Variants in ERI2 observed in about 807,000 individuals in gnomAD.
The protein encoded by ERI2 is ERI1 exoribonuclease family member 2, also known as ERI1 exoribonuclease 2.
In ERI2, 35 loss-of-function variants were observed where a neutral mutation model predicts 46.8. The observed-to-expected ratio is 0.75, with a 90% CI of 0.57 to 0.99. The LOEUF (loss-of-function observed/expected upper bound fraction) is 0.99, where lower values mean the gene tolerates loss of function less well. Among genes scored for constraint, ERI2 ranks in the 50% least tolerant of loss-of-function variants. The probability of loss-of-function intolerance (pLI) is 0.00; values close to 1 mark genes in which losing one functional copy is unlikely to be tolerated. For synonymous variants in ERI2, 224 were observed against 271.0 expected, an observed-to-expected ratio of 0.83 and a Z score of 1.70; for missense variants, 695 against 796.2, an observed-to-expected ratio of 0.87 and a Z score of 1.53.
rs2080723754 is a variant in ERI2, at chr16:20,796,357, A to G, written c.*1367T>C. On this transcript the variant is annotated 3_prime_UTR_variant, in exon 9 of 9. Coordinates refer to ENST00000357967, the MANE Select transcript of ERI2 (RefSeq NM_001142725.2). ...ATAACTCATTTTCCTGGTGTTTCAA[A>G]TATTTATTTTAGGTAGTAAAGGCTT... is the stretch of plus-strand genomic sequence containing the variant. 2.5e-6 allele frequency: 4 copies of G among 1,601,654 alleles called. No homozygotes were observed. In the East Asian group the frequency reaches 6.7e-5, roughly 27 times the overall value.
exon 11 of ERI2, chr16:20,780,468 T>C (rs1292151639): frequency 2.4e-5 from 17 of 710,086 alleles, no homozygotes; most frequent in Non-Finnish European, 3.4e-5. Context: ...TTCTTTATCA[T>C]AGAATAAAAA....
intron 10 of ERI2, chr16:20,784,456 C>T (rs2080424731): frequency 6.6e-6 from 1 of 152,642 alleles, no homozygotes; most frequent in African/African-American, 2.4e-5. Context: ...ATCCCACCAT[C>T]AGTTTTACCA....
In ERI2 at chr16:20,797,777, A is replaced by T; in HGVS notation, c.2023T>A (p.Leu675Ile). 18 of 1,550,488 alleles carry T rather than the reference A, an allele frequency of 1.2e-5. No homozygotes were observed. The highest frequency in any genetic ancestry group is 1.6e-5 in the Non-Finnish European group (18 of 1,146,626). The change falls in exon 9 of 9, where the codon TTA becomes ATA. Residue 675 changes from leucine (L) to isoleucine (I), a missense_variant. Physicochemically the swap from Leu to Ile is conservative, Grantham distance 5 (BLOSUM62 2). Transcript: ENST00000357967. ...AAAGAATTTTTGGTGGAAATACTTA[A>T]ATTTCTGTCACAAATATGGCTTGTT... ...PETSHICDRN[L>I]SISTKNSLRL... is the part of the protein sequence containing the mutation.
At chr16:20,792,838 G>A (rs2080632155), downstream of ERI2, 2 of 487,426 alleles carry the variant, frequency 4.1e-6, no homozygotes, top group South Asian at 8.8e-5. Context: ...GAATAACACA[G>A]GTGTCCTGAA....
intron 10 of ERI2, chr16:20,781,155 A>G (rs1421982974): frequency 1.2e-6 from 2 of 1,612,376 alleles, no homozygotes; most frequent in East Asian, 4.5e-5. Context: ...AAAGAGGTCA[A>G]TATTTAGAAA....
intron 4 of ERI2, 91 bp from the exon 5 acceptor site, chr16:20,801,450 TA>T: frequency 7.3e-7 from 1 of 1,365,736 alleles, no homozygotes; most frequent in Non-Finnish European, 9.8e-7. Flanking sequence ...TTAATGGTTT[TA>T]AAAGAATCAG....
chr16:20,782,703 G>A (rs143986148), intron 10 of ERI2, among the ~76,000 whole-genome samples: 6 of 152,246 alleles, frequency 3.9e-5, no homozygotes, highest in East Asian at 3.9e-4. Context: ...TGTCACCTGC[G>A]CATATGACCA....
rs2080742463 is a variant in ERI2 at position 20,797,399 on chromosome 16, A to G, written c.*325T>C. 2 of 993,120 alleles carry G rather than the reference A, an allele frequency of 2.0e-6. No homozygotes were observed. The highest frequency in any genetic ancestry group is 3.4e-5 in the African/African-American group (2 of 58,214). The allele number at this position is 993,120 out of a possible 1,614,324, so 61.5% of individuals were successfully genotyped here. On this transcript the variant is annotated 3_prime_UTR_variant, in exon 9 of 9. Transcript: ENST00000357967. ...AGAAAAATATAAAATATCAGTTAGA[A>G]GATTATGATAATCTCAAAGTACAAG...
chr16:20,799,921 G>T, intron 7 of ERI2, 36 bp downstream of exon 7: 1 of 1,294,558 alleles, frequency 7.7e-7, no homozygotes, highest in Non-Finnish European at 1.1e-6. Flanking sequence ...TTTTTTAAAA[G>T]TCAAATGGCT....
chr16:20,798,522 T>C lies in ERI2; in HGVS notation c.1278A>G (p.Thr426=), dbSNP rs149421061. ...ASQPEENVDC[T]VPISDSDLEI... is the part of the protein sequence containing the mutation. ...CTAAGTCTGAGTCACTAATGGGAACTGTACAGTCTACGTTTTCCTCAGGCT... is the reference window on the plus strand; with the variant it reads ...CTAAGTCTGAGTCACTAATGGGAACCGTACAGTCTACGTTTTCCTCAGGCT... Residue 426 remains threonine, a synonymous_variant, in exon 9 of 9, where the codon ACA becomes ACG. Transcript: ENST00000357967. 8.4e-6 allele frequency: 13 copies of C among 1,551,618 alleles called. No homozygotes were observed. In the African/African-American group the frequency reaches 1.5e-4, roughly 18 times the overall value.
chr16:20,780,922 TC>T, intron 10 of ERI2: 2 of 1,612,370 alleles, frequency 1.2e-6, no homozygotes, highest in South Asian at 2.2e-5. Flanking sequence ...TATGTACTGG[TC>T]TTTTATATTT....
In ERI2 at chr16:20,790,548, C is replaced by A; in HGVS notation, c.815+302G>T. On this transcript the variant is annotated intron_variant, in intron 9 of 10. Coordinates refer to the ERI2 transcript ENST00000300005. This position sits in a 1 kb window ranked among gnomAD's most constrained non-coding sequence, Gnocchi z 4.0. Reference sequence around the variant, plus strand: ...TTAATATTTAAGCTGCGACATTAAACAAAAATTTCCTTAAATAAATTGTTC... The same window carrying A: ...TTAATATTTAAGCTGCGACATTAAAAAAAAATTTCCTTAAATAAATTGTTC... The A allele has an allele frequency of 6.4e-7, 1 of 1,569,646 alleles. No individual in the cohort carries two copies. The highest frequency in any genetic ancestry group is 1.1e-5 in the South Asian group (1 of 87,864).
chr16:20,796,363 A>C lies in ERI2; in HGVS notation c.*1361T>G. On this transcript the variant is annotated 3_prime_UTR_variant, in exon 9 of 9. Transcript: ENST00000357967. The stretch of plus-strand genomic sequence containing the variant: ...CATTTTCCTGGTGTTTCAAATATTT[A>C]TTTTAGGTAGTAAAGGCTTTTGTCG... 2.5e-6 allele frequency: 4 copies of C among 1,605,028 alleles called. No individual in the cohort carries two copies. Among genetic ancestry groups the C allele is most frequent in the Non-Finnish European group, 3.4e-6 (4 of 1,177,728 alleles).
rs1425733559 is a variant in ERI2, at chr16:20,796,341, T to G, written c.*1383A>C. On this transcript the variant is annotated 3_prime_UTR_variant, in exon 9 of 9. Coordinates refer to ENST00000357967, the MANE Select transcript of ERI2 (RefSeq NM_001142725.2). ...TAAAACATACAAATGCATAACTCAT[T>G]TTCCTGGTGTTTCAAATATTTATTT... 3 of 1,600,264 alleles carry G rather than the reference T, an allele frequency of 1.9e-6. No homozygotes were observed. The highest frequency in any genetic ancestry group is 2.6e-6 in the Non-Finnish European group (3 of 1,175,896).
Position 20,790,455 on chromosome 16 carries a change from TCACA to T in ERI2, c.815+391_815+394del, listed in dbSNP as rs1361696058. On this transcript the variant is annotated intron_variant, in intron 9 of 10. Transcript: ENST00000300005. This position sits in a 1 kb window ranked among gnomAD's most constrained non-coding sequence, Gnocchi z 4.0. ...CTGGGTGACAAAGTGAGACCTTGTC[TCACA>T]CACACAAAATTTTTTTTAAGTCTTC... 1.2e-6 allele frequency: 1 copy of T among 801,874 alleles called. No homozygotes were observed. Among genetic ancestry groups the T allele is most frequent in the African/African-American group, 1.7e-5 (1 of 57,372 alleles). The allele number at this position is 801,874 out of a possible 1,614,324, so 49.7% of individuals were successfully genotyped here. A position where few individuals can be genotyped will look rare whatever the true frequency, so the allele number is the denominator to read the frequency against.
chr16:20,783,250 C>A (rs2080392703), intron 10 of ERI2: 1 of 152,192 alleles, frequency 6.6e-6, no homozygotes, highest in African/African-American at 2.4e-5. Flanking sequence ...ACAAAAGATA[C>A]TCCTAGCACA....
chr16:20,785,165 C>T, intron 10 of ERI2: 1 of 1,597,702 alleles, frequency 6.3e-7, no homozygotes, highest in Non-Finnish European at 8.5e-7. Flanking sequence ...TGAATAAAAA[C>T]CAAAGTGTCC....
At chr16:20,791,050 G>A (rs2080586190) in intron 8 of ERI2, 2 of 973,902 alleles carry the variant, frequency 2.1e-6, no homozygotes, top group East Asian at 2.6e-5. Context: ...AGAGGGACAG[G>A]GGATGCGGGG....
chr16:20,782,535 T>C (rs984532335), intron 10 of ERI2, among the ~76,000 whole-genome samples: 2 of 152,218 alleles, frequency 1.3e-5, no homozygotes, highest in African/African-American at 4.8e-5. Flanking sequence ...TAAGGGATCT[T>C]TTCCCCCACA....
Sources: gnomAD v4.1 joint callset for allele counts (sites outside exome capture counted in the v4.1 genomes callset) on GRCh38, gnomAD v4.1.1 for gene constraint, Gnocchi (gnomAD v3.1) non-coding constraint, MANE v1.5 for transcripts, NCBI Gene and HGNC (gene_info 2026-07-23, HGNC 2026-07-21) for gene names.